The following ITGB2 variants were observed in gnomAD, a reference collection of about 807,000 sequenced individuals.
The protein encoded by ITGB2 is integrin subunit beta 2.
Under a neutral mutation model 86.8 loss-of-function variants are expected in ITGB2, and 56 were observed. The observed-to-expected ratio is 0.65, with a 90% CI of 0.52 to 0.81. The LOEUF (loss-of-function observed/expected upper bound fraction) is 0.81. Among genes scored for constraint, ITGB2 ranks in the 30% least tolerant of loss-of-function variants. The probability of loss-of-function intolerance (pLI) is 0.00; values close to 1 mark genes in which losing one functional copy is unlikely to be tolerated. For missense variants in ITGB2, 948 were observed against 1,061.2 expected, an observed-to-expected ratio of 0.89 and a Z score of 1.48; for synonymous variants, 457 against 450.4, an observed-to-expected ratio of 1.01 and a Z score of -0.19.
intron 14 of ITGB2, among the ~76,000 whole-genome samples, chr21:44,888,112 G>A (rs1354848706): frequency 6.7e-6 from 1 of 149,966 alleles, no homozygotes; most frequent in Non-Finnish European, 1.5e-5. Flanking sequence ...CAAGGTCACT[G>A]TGGGGCTGGG....
At chr21:44,922,528 G>A (rs868779365), upstream of ITGB2, among the ~76,000 whole-genome samples, 1 of 151,608 alleles carries the variant, frequency 6.6e-6, no homozygotes, top group Non-Finnish European at 1.5e-5. Context: ...CTAAGAATTC[G>A]CCAGGCATGG....
At chr21:44,895,289 G>A (rs2083849278) in intron 8 of ITGB2, among the ~76,000 whole-genome samples, 2 of 152,144 alleles carry the variant, frequency 1.3e-5, no homozygotes, top group African/African-American at 4.8e-5. Flanking sequence ...CCAGTACTCG[G>A]GAGGCCGATG....
At chr21:44,919,888 C>G (rs554054369) in intron 1 of ITGB2, among the ~76,000 whole-genome samples, 3 of 152,290 alleles carry the variant, frequency 2.0e-5, no homozygotes, top group South Asian at 2.1e-4. Context: ...ATGGGGAGGG[C>G]TGGCCCCAAG....
intron 1 of ITGB2, among the ~76,000 whole-genome samples, chr21:44,916,291 C>T (rs1454685880): frequency 1.3e-5 from 2 of 150,984 alleles, no homozygotes; most frequent in African/African-American, 4.9e-5. Context: ...ACCCCCCCGA[C>T]ACACACATAT....
In ITGB2 at chr21:44,891,785, A is replaced by G. The variant is rs759851455; in HGVS notation, c.1412+24T>C. 13 of 1,599,906 alleles carry G rather than the reference A, an allele frequency of 8.1e-6. No homozygotes were observed. In the South Asian group the frequency reaches 1.3e-4, roughly 16 times the overall value. ...GTGGGGTGGGGCTCGGGGATGGTTC[A>G]ACAGGGACCTGCGCCCGCCTCACCT... On this transcript the variant is annotated intron_variant, in intron 11 of 15. Transcript: ENST00000652462.
intron 9 of ITGB2, chr21:44,893,885 CAG>C: frequency 2.8e-6 from 1 of 357,500 alleles, no homozygotes; most frequent in Admixed American, 3.8e-5. Context: ...TGGGGAGAAA[CAG>C]AGAGAGGCAG....
At chr21:44,907,402 TC>T (rs2084060637) in intron 3 of ITGB2, among the ~76,000 whole-genome samples, 1 of 152,206 alleles carries the variant, frequency 6.6e-6, no homozygotes, top group Non-Finnish European at 1.5e-5. Context: ...GGCCTCAGCG[TC>T]CTCTAGCAGC....
chr21:44,924,201 G>C (rs973249590), upstream of ITGB2, among the ~76,000 whole-genome samples: 1 of 149,902 alleles, frequency 6.7e-6, no homozygotes, highest in Admixed American at 6.7e-5. Context: ...AGGCTGATGT[G>C]AGCGGATCAC....
chr21:44,895,871 G>A (rs867651029), intron 8 of ITGB2, among the ~76,000 whole-genome samples: 31 of 124,524 alleles, frequency 2.5e-4, no homozygotes, highest in African/African-American at 1.4e-3. Flanking sequence ...GAAATGAAAT[G>A]AAATAAAAAA....
At chr21:44,908,167 G>T (rs1298311749) in intron 3 of ITGB2, 4 of 739,700 alleles carry the variant, frequency 5.4e-6, no homozygotes, top group South Asian at 2.9e-5. Flanking sequence ...TGGGCTGGAG[G>T]ACCCAAAGCC....
chr21:44,919,697 TC>T (rs35429579), intron 1 of ITGB2, among the ~76,000 whole-genome samples: 1 of 151,220 alleles, frequency 6.6e-6, no homozygotes, highest in East Asian at 1.9e-4. Context: ...TCTCCGGCCA[TC>T]CCCCCCCTTC....
intron 1 of ITGB2, among the ~76,000 whole-genome samples, chr21:44,914,651 G>A (rs1001539110): frequency 3.9e-5 from 6 of 152,228 alleles, no homozygotes; most frequent in East Asian, 1.9e-4. Context: ...AGGCCAGCCT[G>A]GTGGCTGACG....
At chr21:44,925,830 G>C (rs1724686259), upstream of ITGB2, among the ~76,000 whole-genome samples, 1 of 152,208 alleles carries the variant, frequency 6.6e-6, no homozygotes, top group South Asian at 2.1e-4. Flanking sequence ...TGTAATCCCA[G>C]CACTTTTGGA....
At chr21:44,898,097 C>T (rs534090415) in intron 8 of ITGB2, among the ~76,000 whole-genome samples, 1 of 152,320 alleles carries the variant, frequency 6.6e-6, no homozygotes, top group East Asian at 1.9e-4. Context: ...GATAGTCCCA[C>T]AGTGTGATTT....
At chr21:44,903,239 G>A (rs1035543564) in intron 5 of ITGB2, 126 bp downstream of exon 5, 8 of 1,085,690 alleles carry the variant, frequency 7.4e-6, no homozygotes, top group South Asian at 1.3e-5. Flanking sequence ...GCCCTGGGGG[G>A]ACCTGCATCT....
rs1223970856 is a variant in ITGB2 at position 44,908,278 on chromosome 21, C to G, written c.148-1183G>C. On this transcript the variant is annotated intron_variant, in intron 3 of 15. Coordinates refer to ENST00000652462, the MANE Select transcript of ITGB2 (RefSeq NM_000211.5). ...CCCTCCCCTTCTTCTCCACCCCCTC[C>G]CCTTCTCTAGTTTATAAGACAGGAG... 7.0e-6 allele frequency: 4 copies of G among 568,688 alleles called. No homozygotes were observed. The Admixed American group carries it at 9.2e-5, about 13-fold the overall frequency. 35.2% of individuals were successfully genotyped at this position (568,688 alleles called of 1,614,324 possible).
chr21:44,905,332 C>G (rs566935964), intron 4 of ITGB2, among the ~76,000 whole-genome samples: 1 of 152,162 alleles, frequency 6.6e-6, no homozygotes, highest in Admixed American at 6.5e-5. Flanking sequence ...TGCATCCACC[C>G]GAGCTCACCT....
chr21:44,899,048 G>C lies in ITGB2; in HGVS notation c.993+19C>G. On this transcript the variant is annotated intron_variant, in intron 8 of 15. Coordinates refer to ENST00000652462, the MANE Select transcript of ITGB2 (RefSeq NM_000211.5). ...ACATGCCCCCACCCAATGGATGCTCGGGACCCAACAGCACTCACCTCGTAG... is the reference window on the plus strand; with the variant it reads ...ACATGCCCCCACCCAATGGATGCTCCGGACCCAACAGCACTCACCTCGTAG... 2 of 1,593,432 alleles carry C rather than the reference G, an allele frequency of 1.3e-6. No individual in the cohort carries two copies. The highest frequency in any genetic ancestry group is 1.7e-6 in the Non-Finnish European group (2 of 1,161,464).
chr21:44,924,256 C>G (rs552877064), upstream of ITGB2, among the ~76,000 whole-genome samples: 1 of 151,748 alleles, frequency 6.6e-6, no homozygotes, highest in Admixed American at 6.6e-5. Context: ...ATGGCAAAAC[C>G]CTGTCTCTAC....
Sources: allele counts gnomAD v4.1 joint callset (sites outside exome capture counted in the v4.1 genomes callset), GRCh38; gene constraint gnomAD v4.1.1; transcripts MANE v1.5; gene names NCBI Gene and HGNC (gene_info 2026-07-23, HGNC 2026-07-21).